Variants in LRMDA observed in about 807,000 individuals in gnomAD.
LRMDA encodes the protein leucine rich melanocyte differentiation associated, also known as leucine-rich melanocyte differentiation-associated protein.
Under a neutral mutation model 29.8 loss-of-function variants are expected in LRMDA, and 18 were observed. The ratio of observed to expected loss-of-function variants is 0.60; its 90% CI spans 0.42 to 0.90. The LOEUF (loss-of-function observed/expected upper bound fraction) is 0.90. Ranked by LOEUF, LRMDA falls within the 40% of genes least tolerant of loss-of-function variation. The probability of loss-of-function intolerance (pLI) is 0.00; values close to 1 mark genes in which losing one functional copy is unlikely to be tolerated. For missense variants in LRMDA, 273 were observed against 273.9 expected, an observed-to-expected ratio of 1.00 and a Z score of 0.02; for synonymous variants, 125 against 109.4, an observed-to-expected ratio of 1.14 and a Z score of -0.89.
chr10:76,530,536 T>C (rs1843223105), intron 6 of LRMDA, among the ~76,000 whole-genome samples: 1 of 152,140 alleles, frequency 6.6e-6, no homozygotes, highest in African/African-American at 2.4e-5. Flanking sequence ...AAAATACTTA[T>C]CACAGTGCCT....
intron 6 of LRMDA, among the ~76,000 whole-genome samples, chr10:76,448,593 C>T (rs1842375776): frequency 6.6e-6 from 1 of 152,030 alleles, no homozygotes; most frequent in Non-Finnish European, 1.5e-5. Context: ...CTGAAATATT[C>T]CGATATCTCT....
chr10:75,691,228 A>ATG (rs951387569), intron 2 of LRMDA, among the ~76,000 whole-genome samples: 25 of 139,094 alleles, frequency 1.8e-4, no homozygotes, highest in African/African-American at 3.3e-4. Flanking sequence ...ATACACATAT[A>ATG]TGTGTGTGTG....
intron 2 of LRMDA, among the ~76,000 whole-genome samples, chr10:76,033,955 A>G (rs1329211563): frequency 2.6e-5 from 4 of 152,108 alleles, no homozygotes; most frequent in Admixed American, 2.6e-4. Flanking sequence ...TCTGGAAACA[A>G]AACAGTGAAT....
chr10:76,321,930 G>A (rs1840776435), intron 5 of LRMDA, among the ~76,000 whole-genome samples: 1 of 149,352 alleles, frequency 6.7e-6, no homozygotes, highest in Non-Finnish European at 1.5e-5. Flanking sequence ...GGGCAAGAGA[G>A]TGAGATTCTG....
intron 2 of LRMDA, among the ~76,000 whole-genome samples, chr10:75,993,043 T>C (rs1478096636): frequency 6.6e-6 from 1 of 152,156 alleles, no homozygotes; most frequent in Non-Finnish European, 1.5e-5. Flanking sequence ...ACAACTTTTA[T>C]TGGAGCTGGT....
chr10:75,600,311 C>A (rs1840866074), intron 2 of LRMDA, among the ~76,000 whole-genome samples: 2 of 152,164 alleles, frequency 1.3e-5, no homozygotes, highest in South Asian at 4.1e-4. Flanking sequence ...AGGATGCTCC[C>A]CATTTCGCTT....
chr10:75,513,684 T>G (rs1168132872), intron 2 of LRMDA, among the ~76,000 whole-genome samples: 1 of 152,150 alleles, frequency 6.6e-6, no homozygotes, highest in Non-Finnish European at 1.5e-5. Flanking sequence ...GCTGCTAGCA[T>G]TTTTTGGCTC....
chr10:75,576,604 A>G (rs944643898), intron 2 of LRMDA, among the ~76,000 whole-genome samples: 1 of 152,168 alleles, frequency 6.6e-6, no homozygotes, highest in African/African-American at 2.4e-5. Flanking sequence ...GGGCCAAAAG[A>G]CACTTCATAC....
At chr10:75,812,042 G>A (rs544999790) in intron 2 of LRMDA, among the ~76,000 whole-genome samples, 4 of 146,984 alleles carry the variant, frequency 2.7e-5, no homozygotes, top group Admixed American at 1.4e-4. Context: ...TTTCCCTTTA[G>A]AATGCCATTA....
chr10:75,866,358 TAC>T (rs1845020426), intron 2 of LRMDA, among the ~76,000 whole-genome samples: 1 of 152,230 alleles, frequency 6.6e-6, no homozygotes, highest in African/African-American at 2.4e-5. Flanking sequence ...AACTCTGGAA[TAC>T]ACACTCAGCC....
At chr10:75,830,387 G>C (rs1275713538) in intron 2 of LRMDA, among the ~76,000 whole-genome samples, 1 of 152,170 alleles carries the variant, frequency 6.6e-6, no homozygotes, top group Non-Finnish European at 1.5e-5. Context: ...GTATTAGTCT[G>C]TTTTCATGCT....
intron 6 of LRMDA, among the ~76,000 whole-genome samples, chr10:76,421,506 A>G (rs1172832374): frequency 2.0e-5 from 3 of 152,206 alleles, no homozygotes; most frequent in East Asian, 3.8e-4. Flanking sequence ...AACAATTAAT[A>G]TAGTGACATC....
At chr10:76,476,708 A>C (rs1169761480) in intron 6 of LRMDA, among the ~76,000 whole-genome samples, 1 of 152,178 alleles carries the variant, frequency 6.6e-6, no homozygotes, top group Non-Finnish European at 1.5e-5. Context: ...CACCATGATC[A>C]AGTGGGCTTC....
rs1841242827 is a variant in LRMDA, at chr10:75,625,829, G to A, written c.131+187335G>A. On this transcript the variant is annotated intron_variant, in intron 2 of 6. Coordinates refer to ENST00000611255, the MANE Select transcript of LRMDA (RefSeq NM_001305581.2). Reference sequence around the variant, plus strand: ...ACATCCATGTTTTTCTTTATTACATGGTATACTTTTAATTTTTAAAGTGGA... The same window carrying A: ...ACATCCATGTTTTTCTTTATTACATAGTATACTTTTAATTTTTAAAGTGGA... 1.3e-5 allele frequency among the ~76,000 whole-genome samples: 2 copies of A among 151,680 alleles called. 1 individual carries two copies. The highest frequency in any genetic ancestry group is 4.8e-5 in the African/African-American group (2 of 41,282).
intron 5 of LRMDA, among the ~76,000 whole-genome samples, chr10:76,262,131 C>T (rs1001038453): frequency 6.6e-6 from 1 of 151,936 alleles, no homozygotes; most frequent in African/African-American, 2.4e-5. Context: ...CCCAGCTACC[C>T]AGGAGGTGGA....
chr10:76,231,916 A>G (rs1852066085), intron 5 of LRMDA, among the ~76,000 whole-genome samples: 1 of 152,206 alleles, frequency 6.6e-6, no homozygotes, highest in Non-Finnish European at 1.5e-5. Context: ...TGAGGGGAAA[A>G]CATATACAAT....
At chr10:76,104,870 A>G (rs1849455043) in intron 5 of LRMDA, among the ~76,000 whole-genome samples, 1 of 150,928 alleles carries the variant, frequency 6.6e-6, no homozygotes, top group African/African-American at 2.4e-5. Flanking sequence ...TTTCTCCTGC[A>G]CTCCCCTTTC....
chr10:75,812,073 C>T (rs1047262744), intron 2 of LRMDA, among the ~76,000 whole-genome samples: 2 of 139,124 alleles, frequency 1.4e-5, no homozygotes, highest in Non-Finnish European at 3.0e-5. Flanking sequence ...ATGACCTTTA[C>T]AGTGACTAAT....
chr10:76,425,361 T>C (rs1354711652), intron 6 of LRMDA, among the ~76,000 whole-genome samples: 1 of 152,032 alleles, frequency 6.6e-6, no homozygotes, highest in East Asian at 1.9e-4. Context: ...TTCTTTTTTT[T>C]TCTTTTTTAA....
Sources: allele counts gnomAD v4.1 joint callset (sites outside exome capture counted in the v4.1 genomes callset), GRCh38; gene constraint gnomAD v4.1.1; transcripts MANE v1.5; gene names NCBI Gene and HGNC (gene_info 2026-07-23, HGNC 2026-07-21).